The following CCDC171 variants were observed in gnomAD, a reference collection of about 807,000 sequenced individuals.
The protein encoded by CCDC171 is coiled-coil domain containing 171, also known as coiled-coil domain-containing protein 171.
A neutral mutation model predicts 168.2 loss-of-function variants in CCDC171; 177 were observed. The observed-to-expected ratio is 1.05, with a 90% CI of 0.93 to 1.19. The LOEUF (loss-of-function observed/expected upper bound fraction) is 1.19, where lower values mean the gene tolerates loss of function less well. CCDC171 is among the 50% of genes most tolerant of loss of function. The pLI is 0.00. For missense variants in CCDC171, 1,991 were observed against 1,539.0 expected (o/e 1.29, Z -4.91); for synonymous variants, 687 against 540.8 (o/e 1.27, Z -3.75).
At chr9:15,945,831 G>T (rs1331487689) in intron 25 of CCDC171, among the ~76,000 whole-genome samples, 1 of 151,634 alleles carries the variant, frequency 6.6e-6, no homozygotes, top group African/African-American at 2.4e-5. Context: ...TTTGTGGGTT[G>T]CCTGTTCACT....
At chr9:16,075,961 T>A in the CCDC171 span, among the ~76,000 whole-genome samples, 1 of 152,360 alleles carries the variant, frequency 6.6e-6, no homozygotes, top group Admixed American at 6.5e-5. Context: ...AACTTTCATG[T>A]ATATGTACTG....
At chr9:15,789,649 C>T (rs893348141) in intron 21 of CCDC171, among the ~76,000 whole-genome samples, 5 of 152,168 alleles carry the variant, frequency 3.3e-5, no homozygotes, top group Non-Finnish European at 5.9e-5. Flanking sequence ...ATGTGCACAA[C>T]GTGCAGAGTT....
chr9:16,025,223 C>G (rs985110354), intron 6 of CCDC171, among the ~76,000 whole-genome samples: 1 of 152,180 alleles, frequency 6.6e-6, no homozygotes, highest in African/African-American at 2.4e-5. Context: ...AGGTGGATCT[C>G]CGGAGGTCAG....
chr9:15,567,857 T>C (rs2039877508), intron 2 of CCDC171, among the ~76,000 whole-genome samples: 2 of 152,044 alleles, frequency 1.3e-5, no homozygotes, highest in Non-Finnish European at 2.9e-5. Flanking sequence ...TCTTGCTATG[T>C]TTCTCAGGCT....
chr9:15,584,398 T>C (rs1433765470), intron 4 of CCDC171, among the ~76,000 whole-genome samples: 4 of 152,326 alleles, frequency 2.6e-5, no homozygotes, highest in Non-Finnish European at 1.5e-5. Flanking sequence ...CCTCCAGATA[T>C]GAAGACGCAA....
intron 6 of CCDC171, among the ~76,000 whole-genome samples, chr9:15,613,371 C>G (rs1036750261): frequency 3.9e-5 from 6 of 151,966 alleles, no homozygotes; most frequent in African/African-American, 1.5e-4. Context: ...GAGTTAAGTT[C>G]TTGGAGCATA....
intron 15 of CCDC171, among the ~76,000 whole-genome samples, chr9:15,728,360 C>T (rs907274280): frequency 6.6e-6 from 1 of 152,060 alleles, no homozygotes; most frequent in Admixed American, 6.6e-5. Context: ...AGACCTTAGT[C>T]ATTTACATTA....
intron 9 of CCDC171, among the ~76,000 whole-genome samples, chr9:15,669,750 C>T (rs926793608): frequency 6.6e-6 from 1 of 152,000 alleles, no homozygotes; most frequent in Non-Finnish European, 1.5e-5. Context: ...ATATATCATG[C>T]TGAATGGACT....
At chr9:15,572,608 C>A (rs1489876274) in intron 3 of CCDC171, among the ~76,000 whole-genome samples, 1 of 152,130 alleles carries the variant, frequency 6.6e-6, no homozygotes, top group African/African-American at 2.4e-5. Flanking sequence ...TGTTTTTCTT[C>A]CCTTTTTGCT....
intron 24 of CCDC171, among the ~76,000 whole-genome samples, chr9:15,882,772 G>A (rs575597107): frequency 7.9e-5 from 12 of 151,540 alleles, no homozygotes; most frequent in East Asian, 2.0e-4. Context: ...AGCAGTTTTC[G>A]TATTATCCCA....
intron 23 of CCDC171, among the ~76,000 whole-genome samples, chr9:15,871,438 C>T (rs554265836): frequency 6.6e-6 from 1 of 151,624 alleles, no homozygotes; most frequent in Non-Finnish European, 1.5e-5. Flanking sequence ...TCCTAATTCA[C>T]ACTAAACTCA....
intron 11 of CCDC171, among the ~76,000 whole-genome samples, chr9:15,719,286 G>A (rs1160326437): frequency 1.3e-5 from 2 of 151,242 alleles, no homozygotes. Context: ...CACAGTCAGA[G>A]GAGACAAAAG....
At chr9:15,694,963 A>G (rs1166227579) in intron 10 of CCDC171, among the ~76,000 whole-genome samples, 2 of 152,150 alleles carry the variant, frequency 1.3e-5, no homozygotes, top group Non-Finnish European at 2.9e-5. Flanking sequence ...CCTTTCCATC[A>G]TAGGGTTATT....
Position 15,752,090 on chromosome 9 carries a change from G to A in CCDC171, c.2671+6459G>A, listed in dbSNP as rs182680058. On this transcript the variant is annotated intron_variant, in intron 18 of 25. Coordinates refer to ENST00000380701, the MANE Select transcript of CCDC171 (RefSeq NM_173550.4). ...AAAAAACAACCCCATCAAAAAGTGG[G>A]CAAAGGATATGAACAGACACTTCTC... Among the ~76,000 whole-genome samples, 14 of 152,274 alleles carry A rather than the reference G, an allele frequency of 9.2e-5. No homozygotes were observed. The East Asian group carries it at 2.7e-3, about 29-fold the overall frequency.
At chr9:15,921,970 G>A in intron 25 of CCDC171, 1 of 165,544 alleles carries the variant, frequency 6.0e-6, no homozygotes, top group South Asian at 1.5e-4. Context: ...TTGGTAAGGT[G>A]AGATTGTTTC....
chr9:16,008,958 T>A (rs1832783401), intron 3 of CCDC171, among the ~76,000 whole-genome samples: 1 of 152,092 alleles, frequency 6.6e-6, no homozygotes, highest in Admixed American at 6.6e-5. Flanking sequence ...CCTTGGCCAG[T>A]CCAGGCCCCC....
intron 24 of CCDC171, among the ~76,000 whole-genome samples, chr9:15,881,736 T>G (rs140176262): frequency 0.022 from 3,363 of 152,324 alleles, 130 homozygotes; most frequent in African/African-American, 0.077. Flanking sequence ...TGTCTTTCTG[T>G]GCTTGGCTTA....
chr9:15,560,442 C>A (rs1186116881), intron 1 of CCDC171, among the ~76,000 whole-genome samples: 1 of 152,004 alleles, frequency 6.6e-6, no homozygotes, highest in Non-Finnish European at 1.5e-5. Context: ...ACTCTTTTTT[C>A]TCTAAATTTC....
At chr9:15,793,823 T>C (rs1028724437) in intron 21 of CCDC171, among the ~76,000 whole-genome samples, 3 of 152,080 alleles carry the variant, frequency 2.0e-5, no homozygotes, top group Middle Eastern at 3.4e-3. Context: ...CTGGGATTAT[T>C]GATGTGACAG....
Sources: allele counts gnomAD v4.1 joint callset (sites outside exome capture counted in the v4.1 genomes callset), GRCh38; gene constraint gnomAD v4.1.1; transcripts MANE v1.5; gene names NCBI Gene and HGNC (gene_info 2026-07-23, HGNC 2026-07-21).